Variants in HERC1 observed in about 807,000 individuals in gnomAD.
HERC1 encodes HECT and RLD domain containing E3 ubiquitin protein ligase family member 1.
In HERC1, 160 loss-of-function variants were observed where a neutral mutation model predicts 554.3. The observed-to-expected ratio is 0.29, with a 90% CI of 0.25 to 0.33. The LOEUF (loss-of-function observed/expected upper bound fraction) is 0.33, where lower values mean the gene tolerates loss of function less well. Among genes scored for constraint, HERC1 ranks in the 10% least tolerant of loss-of-function variants. The pLI, the probability that HERC1 is intolerant of heterozygous loss-of-function variation, is 1.00. For synonymous variants in HERC1, 2,175 were observed against 2,131.7 expected (o/e 1.02, Z -0.56); for missense variants, 4,919 against 5,918.5 (o/e 0.83, Z 5.54).
At chr15:63,705,468 A>C (rs2072952723) in intron 25 of HERC1, among the ~76,000 whole-genome samples, 1 of 152,196 alleles carries the variant, frequency 6.6e-6, no homozygotes, top group Non-Finnish European at 1.5e-5. Flanking sequence ...CCAAATTTTA[A>C]GTAACAACAT....
At chr15:63,831,023 T>C (rs1198217300) in intron 1 of HERC1, among the ~76,000 whole-genome samples, 3 of 152,266 alleles carry the variant, frequency 2.0e-5, no homozygotes, top group Non-Finnish European at 4.4e-5. Flanking sequence ...TTCAACATCA[T>C]GATAATCTGC....
chr15:63,762,406 C>T (rs1292146556), intron 3 of HERC1, among the ~76,000 whole-genome samples: 2 of 152,132 alleles, frequency 1.3e-5, no homozygotes, highest in Non-Finnish European at 2.9e-5. Flanking sequence ...TGACTGTAAC[C>T]TCCACCTCCC....
rs1035976139 is a variant in HERC1, at chr15:63,677,605, CCAAAA to C, written c.7070+235_7070+239del. ...AACTAAGGAGCTTACCATTTTTTCC[CCAAAA>C]CAAAACAGAACAAAAAGACTATGTA... is the stretch of plus-strand genomic sequence containing the variant. On this transcript the variant is annotated intron_variant, in intron 37 of 77. Coordinates refer to ENST00000443617, the MANE Select transcript of HERC1 (RefSeq NM_003922.4). This position sits in a 1 kb window ranked among gnomAD's most constrained non-coding sequence, Gnocchi z 4.4. Among the ~76,000 whole-genome samples, 3 of 151,962 alleles carry C rather than the reference CCAAAA, an allele frequency of 2.0e-5. No homozygotes were observed. The highest frequency in any genetic ancestry group is 7.2e-5 in the African/African-American group (3 of 41,382).
At chr15:63,827,961 T>A (rs1007467943) in intron 1 of HERC1, among the ~76,000 whole-genome samples, 4 of 152,154 alleles carry the variant, frequency 2.6e-5, no homozygotes, top group Non-Finnish European at 4.4e-5. Flanking sequence ...GAAAGTAGAC[T>A]GGGAAGCGGA....
intron 55 of HERC1, among the ~76,000 whole-genome samples, chr15:63,646,411 G>T (rs2069340551): frequency 6.6e-6 from 1 of 151,498 alleles, no homozygotes; most frequent in Admixed American, 6.6e-5. Flanking sequence ...ATGGTCCAAA[G>T]ATTCTGTGCA....
intron 1 of HERC1, 74 bp downstream of exon 1, chr15:63,833,753 G>GCACACACACACA (rs778263359): frequency 5.6e-4 from 26 of 46,494 alleles, no homozygotes; most frequent in South Asian, 9.9e-4. Flanking sequence ...ACGCGCGCGC[G>GCACACACACACA]CACACACACA....
intron 1 of HERC1, among the ~76,000 whole-genome samples, chr15:63,809,527 C>A (rs1280413028): frequency 6.6e-6 from 1 of 152,050 alleles, no homozygotes; most frequent in Non-Finnish European, 1.5e-5. Flanking sequence ...GTGGATAACA[C>A]TAAGATAATG....
chr15:63,639,562 G>A (rs1184409146), intron 61 of HERC1, among the ~76,000 whole-genome samples: 1 of 152,130 alleles, frequency 6.6e-6, no homozygotes, highest in East Asian at 1.9e-4. Flanking sequence ...ATTTATATTT[G>A]TCTGTTTCAT....
At chr15:63,706,715 C>CTTT in intron 25 of HERC1, 65 bp downstream of exon 25, 11 of 684,934 alleles carry the variant, frequency 1.6e-5, no homozygotes, top group South Asian at 5.6e-5. Flanking sequence ...TTACTATGCT[C>CTTT]TTTTTTTTTT....
intron 19 of HERC1, among the ~76,000 whole-genome samples, chr15:63,722,271 T>C (rs2073851829): frequency 6.6e-6 from 1 of 152,202 alleles, no homozygotes; most frequent in African/African-American, 2.4e-5. Flanking sequence ...CAAACTGGAA[T>C]CTTCACCAGC....
At chr15:63,669,494 G>A in intron 40 of HERC1, 44 bp downstream of exon 40, 1 of 1,588,532 alleles carries the variant, frequency 6.3e-7, no homozygotes, top group Non-Finnish European at 8.6e-7. Flanking sequence ...CCACACATCT[G>A]GAATGCCAAC....
In HERC1 at chr15:63,680,709, T is replaced by G. The variant is rs750005781; in HGVS notation, c.6293A>C (p.His2098Pro). 1 of 1,613,648 alleles carries G rather than the reference T, an allele frequency of 6.2e-7. No individual in the cohort carries two copies. Among genetic ancestry groups the G allele is most frequent in the Non-Finnish European group, 8.5e-7 (1 of 1,179,546 alleles). Residue 2098 changes from histidine (H) to proline (P), a missense_variant, in exon 35 of 78, where the codon CAT (histidine) becomes CCT (proline). Physicochemically the swap from His to Pro is moderately conservative, Grantham distance 77. Coordinates refer to ENST00000443617, the MANE Select transcript of HERC1 (RefSeq NM_003922.4). This position sits in a 1 kb window ranked among gnomAD's most constrained non-coding sequence, Gnocchi z 5.8. ...CGAGGTAGTGCGGTGATTAAAGTCA[T>G]GTACTGGCCAGCGAGAAACTCCAAC... is the stretch of plus-strand genomic sequence containing the variant. ...TCVGVSRWPV[H>P]DFNHRTTSDM...
chr15:63,793,914 A>T (rs1236610855), intron 1 of HERC1, among the ~76,000 whole-genome samples: 2 of 152,212 alleles, frequency 1.3e-5, no homozygotes, highest in Non-Finnish European at 1.5e-5. Context: ...AGGATGAGAT[A>T]GGAGGTCAGC....
At position 63,819,045 on chromosome 15, in the gene HERC1, G is replaced by C. The variant is rs146109418; in HGVS notation, c.-27+14782C>G. On this transcript the variant is annotated intron_variant, in intron 1 of 77. Coordinates refer to ENST00000443617, the MANE Select transcript of HERC1 (RefSeq NM_003922.4). Reference sequence around the variant, plus strand: ...TACCATAAGCCATCTTGGCCCATTCGTAATGCCAAGCACTTCTGCTTCCAG... The same window carrying C: ...TACCATAAGCCATCTTGGCCCATTCCTAATGCCAAGCACTTCTGCTTCCAG... Among the ~76,000 whole-genome samples the C allele has an allele frequency of 1.2e-3, 181 of 152,206 alleles. 1 individual carries two copies. Among genetic ancestry groups the C allele is most frequent in the African/African-American group, 4.1e-3 (172 of 41,538 alleles).
rs775471762 is a variant in HERC1 at position 63,677,866 on chromosome 15, T to A, written c.7049A>T (p.Asp2350Val). 6.2e-7 allele frequency: 1 copy of A among 1,613,720 alleles called. No individual in the cohort carries two copies. The highest frequency in any genetic ancestry group is 8.5e-7 in the Non-Finnish European group (1 of 1,179,730). Reference protein sequence around the residue: ...EGSTSAKVQWDEAEITISFPT... With the variant: ...EGSTSAKVQWVEAEITISFPT... ...ATACCTGATAGTAATTTCTGCTTCATCCCATTGGACCTTGGCAGACGTGCT... is the reference window on the plus strand; with the variant it reads ...ATACCTGATAGTAATTTCTGCTTCAACCCATTGGACCTTGGCAGACGTGCT... Residue 2350 changes from aspartate (D) to valine (V), a missense_variant, in exon 37 of 78, where the codon GAT becomes GTT. Around this residue, in one of 11 missense-constraint regions of HERC1, gnomAD observed 1,963 missense variants for 2,228.6 expected, o/e 0.88. Coordinates refer to ENST00000443617, the MANE Select transcript of HERC1 (RefSeq NM_003922.4). This position sits in a 1 kb window ranked among gnomAD's most constrained non-coding sequence, Gnocchi z 4.4.
At chr15:63,703,189 A>C (rs1371669805) in intron 25 of HERC1, among the ~76,000 whole-genome samples, 1 of 151,830 alleles carries the variant, frequency 6.6e-6, no homozygotes, top group Non-Finnish European at 1.5e-5. Flanking sequence ...GTATCTGCCC[A>C]CATTTCTTTG....
chr15:63,639,683 A>C (rs74672838), intron 61 of HERC1, among the ~76,000 whole-genome samples: 1 of 152,216 alleles, frequency 6.6e-6, no homozygotes, highest in South Asian at 2.1e-4. Context: ...TCTATGTCAC[A>C]GTTTCTAGAG....
chr15:63,812,053 C>A (rs1436097835), intron 1 of HERC1, among the ~76,000 whole-genome samples: 1 of 152,098 alleles, frequency 6.6e-6, no homozygotes, highest in African/African-American at 2.4e-5. Context: ...AAATTTAGAG[C>A]CAGATTTGTA....
chr15:63,690,950 T>C (rs1442535707), intron 31 of HERC1, among the ~76,000 whole-genome samples: 2 of 152,124 alleles, frequency 1.3e-5, no homozygotes, highest in African/African-American at 4.8e-5. Context: ...CCTCACAAAC[T>C]GAATTACAGC....
Sources: gnomAD v4.1 joint callset for allele counts (sites outside exome capture counted in the v4.1 genomes callset) on GRCh38, gnomAD v4.1.1 for gene constraint, gnomAD v4.1.1 regional missense constraint, Gnocchi (gnomAD v3.1) non-coding constraint, MANE v1.5 for transcripts, NCBI Gene and HGNC (gene_info 2026-07-23, HGNC 2026-07-21) for gene names.